Variants in MACROD1 observed in about 807,000 individuals in gnomAD.
MACROD1 encodes ADP-ribose glycohydrolase MACROD1.
A neutral mutation model predicts 41.4 loss-of-function variants in MACROD1; 31 were observed. The ratio of observed to expected loss-of-function variants is 0.75; its 90% CI spans 0.56 to 1.01. MACROD1 has a LOEUF of 1.01. Ranked by LOEUF, MACROD1 falls within the 50% of genes least tolerant of loss-of-function variation. The probability of loss-of-function intolerance (pLI) is 0.00; values close to 1 mark genes in which losing one functional copy is unlikely to be tolerated. For synonymous variants in MACROD1, 252 were observed against 203.4 expected (o/e 1.24, Z -2.03); for missense variants, 473 against 460.0 (o/e 1.03, Z -0.26).
chr11:64,117,251 C>G, intron 3 of MACROD1: 1 of 1,614,224 alleles, frequency 6.2e-7, no homozygotes, highest in Non-Finnish European at 8.5e-7. Context: ...TCAGGAACAA[C>G]CCTTGGTTTT....
chr11:64,063,964 C>T (rs1943950504), intron 3 of MACROD1, among the ~76,000 whole-genome samples: 1 of 152,186 alleles, frequency 6.6e-6, no homozygotes. Context: ...TAAGAGGTGA[C>T]AATGAATCGC....
In MACROD1 at chr11:64,146,600, A is replaced by C. The variant is rs1311372211; in HGVS notation, c.517+4639T>G. ...GGGTTTGTTCCGTCCCTGCAACTTC[A>C]AGCCCTGCCACCCGCCAGCCAGGCA... is the stretch of plus-strand genomic sequence containing the variant. On this transcript the variant is annotated intron_variant, in intron 3 of 10. Transcript: ENST00000255681. This position sits in a 1 kb window ranked among gnomAD's most constrained non-coding sequence, Gnocchi z 4.7. Among the ~76,000 whole-genome samples, 1 of 151,936 alleles carries C rather than the reference A, an allele frequency of 6.6e-6. No homozygotes were observed. The highest frequency in any genetic ancestry group is 1.5e-5 in the Non-Finnish European group (1 of 67,956).
rs140335697 is a variant in MACROD1, at chr11:64,092,267, G to A, written c.517+58972C>T. 1.1e-3 allele frequency among the ~76,000 whole-genome samples: 169 copies of A among 152,298 alleles called. 1 individual carries two copies. The highest frequency in any genetic ancestry group is 4.0e-3 in the African/African-American group (165 of 41,554). On this transcript the variant is annotated intron_variant, in intron 3 of 10. Coordinates refer to ENST00000255681, the MANE Select transcript of MACROD1 (RefSeq NM_014067.4). ...TCTGCCTCTTAAAAAAATTAAACAC[G>A]GATGGTTTCATATGGGGAGAATTAG...
At chr11:64,016,854 A>G (rs1248845193) in intron 3 of MACROD1, among the ~76,000 whole-genome samples, 1 of 152,104 alleles carries the variant, frequency 6.6e-6, no homozygotes, top group Non-Finnish European at 1.5e-5. Flanking sequence ...CTGGAGGGAG[A>G]GCAGGACACG....
At chr11:64,139,057 G>A (rs1394663364) in intron 3 of MACROD1, among the ~76,000 whole-genome samples, 1 of 152,144 alleles carries the variant, frequency 6.6e-6, no homozygotes, top group Non-Finnish European at 1.5e-5. Flanking sequence ...GTGAGCCACC[G>A]CGCCCGGCCC....
intron 3 of MACROD1, among the ~76,000 whole-genome samples, chr11:64,043,814 CTT>C (rs113497225): frequency 2.1e-5 from 3 of 144,536 alleles, no homozygotes; most frequent in African/African-American, 5.1e-5. Context: ...GACATGGCAT[CTT>C]TTTTTTTTTT....
intron 3 of MACROD1, among the ~76,000 whole-genome samples, chr11:64,097,529 G>A (rs1000803092): frequency 1.3e-5 from 2 of 152,248 alleles, no homozygotes; most frequent in African/African-American, 2.4e-5. Context: ...GCCCAGGCCC[G>A]CCGGCCGGGC....
intron 1 of MACROD1, among the ~76,000 whole-genome samples, chr11:64,156,485 G>C (rs1315977552): frequency 6.6e-6 from 1 of 152,174 alleles, no homozygotes; most frequent in Admixed American, 6.5e-5. Context: ...CTCTGGCTGG[G>C]CAGGCCCTGG....
Position 64,144,444 on chromosome 11 carries a change from G to T in MACROD1, c.517+6795C>A, listed in dbSNP as rs551102357. ...ATGTTGCATGGATGAAAGTGCCTGA[G>T]TTCGAATTCTGGCTCAGTCACCTGC... On this transcript the variant is annotated intron_variant, in intron 3 of 10. Transcript: ENST00000255681. Among the ~76,000 whole-genome samples, 4 of 152,362 alleles carry T rather than the reference G, an allele frequency of 2.6e-5. No homozygotes were observed. In the East Asian group the frequency reaches 5.8e-4, roughly 22 times the overall value.
chr11:64,116,113 G>T, intron 3 of MACROD1: 1 of 1,212,942 alleles, frequency 8.2e-7, no homozygotes, highest in Non-Finnish European at 1.1e-6. Context: ...ACCGGACTTC[G>T]GTCACCCCTT....
chr11:64,102,602 C>T (rs1420453153), intron 3 of MACROD1, among the ~76,000 whole-genome samples: 1 of 152,148 alleles, frequency 6.6e-6, no homozygotes, highest in Non-Finnish European at 1.5e-5. Context: ...GCCAGGAGCT[C>T]GAAAAACTTC....
intron 3 of MACROD1, among the ~76,000 whole-genome samples, chr11:64,050,756 T>C (rs964691237): frequency 2.0e-5 from 3 of 152,192 alleles, no homozygotes; most frequent in African/African-American, 7.2e-5. Flanking sequence ...GTAGCTGGGA[T>C]TACAGGCGCA....
intron 3 of MACROD1, among the ~76,000 whole-genome samples, chr11:64,021,664 G>A (rs1449743520): frequency 6.6e-6 from 1 of 152,062 alleles, no homozygotes; most frequent in Non-Finnish European, 1.5e-5. Flanking sequence ...GGGGGGGTGG[G>A]GGCTGCTCCC....
At chr11:64,031,476 C>CTTTT (rs386373983) in intron 3 of MACROD1, among the ~76,000 whole-genome samples, 2,719 of 114,872 alleles carry the variant, frequency 0.024, 163 homozygotes, top group African/African-American at 0.043. Context: ...GCCTGCCTTC[C>CTTTT]TTTTTTTTTT....
intron 1 of MACROD1, among the ~76,000 whole-genome samples, chr11:64,152,713 CCT>C (rs1638536536): frequency 6.6e-6 from 1 of 152,226 alleles, no homozygotes; most frequent in South Asian, 2.1e-4. Context: ...CCCGTTTCTC[CCT>C]GATTAGAACG....
chr11:64,065,843 ACAGG>A (rs1943995781), intron 3 of MACROD1, among the ~76,000 whole-genome samples: 1 of 151,120 alleles, frequency 6.6e-6, no homozygotes, highest in Non-Finnish European at 1.5e-5. Flanking sequence ...CTCTCCATGC[ACAGG>A]CAGGCAGGTG....
Position 64,151,322 on chromosome 11 carries a change from T to C in MACROD1, c.434A>G (p.Lys145Arg). Residue 145 changes from lysine (K) to arginine (R), a missense_variant, in exon 3 of 11, where the codon AAA becomes AGA. Lys to Arg is a conservative substitution (Grantham distance 26, BLOSUM62 2). Coordinates refer to ENST00000255681, the MANE Select transcript of MACROD1 (RefSeq NM_014067.4). ...TTTCTCATTGAGCTGCTTGTCCTTT[T>C]TATACCTGGGCTCCTCCACCTTCAC... ...VAVKVEEPRY[K>R]KDKQLNEKIS... The C allele has an allele frequency of 6.2e-7, 1 of 1,613,900 alleles. No individual in the cohort carries two copies. Among genetic ancestry groups the C allele is most frequent in the Non-Finnish European group, 8.5e-7 (1 of 1,180,012 alleles).
intron 3 of MACROD1, among the ~76,000 whole-genome samples, chr11:64,041,392 C>G (rs1461229808): frequency 1.3e-5 from 2 of 151,818 alleles, no homozygotes; most frequent in East Asian, 3.9e-4. Context: ...AAAATGTCCT[C>G]AAAAATGCTG....
intron 3 of MACROD1, among the ~76,000 whole-genome samples, chr11:64,101,602 CAT>C (rs1018590507): frequency 5.3e-5 from 8 of 152,274 alleles, no homozygotes; most frequent in African/African-American, 1.9e-4. Flanking sequence ...GGACTTTTTC[CAT>C]CTCTCGCTTT....
Sources: allele counts gnomAD v4.1 joint callset (sites outside exome capture counted in the v4.1 genomes callset), GRCh38; gene constraint gnomAD v4.1.1; non-coding constraint Gnocchi (gnomAD v3.1); transcripts MANE v1.5; gene names NCBI Gene and HGNC (gene_info 2026-07-23, HGNC 2026-07-21).